Variants in ICA1 observed in about 807,000 individuals in gnomAD.
The protein encoded by ICA1 is islet cell autoantigen 1.
A neutral mutation model predicts 71.0 loss-of-function variants in ICA1; 40 were observed. The observed-to-expected ratio is 0.56, with a 90% confidence interval of 0.44 to 0.73. ICA1 has a LOEUF of 0.73. Among genes scored for constraint, ICA1 ranks in the 30% least tolerant of loss-of-function variants. The pLI is 0.00. For missense variants in ICA1, 578 were observed against 576.5 expected (o/e 1.00, Z -0.03); for synonymous variants, 207 against 209.5 (o/e 0.99, Z 0.10).
At chr7:8,163,568 A>C (rs1804709030) in intron 6 of ICA1, among the ~76,000 whole-genome samples, 1 of 152,194 alleles carries the variant, frequency 6.6e-6, no homozygotes, top group Non-Finnish European at 1.5e-5. Flanking sequence ...GGTACTCAGA[A>C]GGAAAGTCAC....
At chr7:8,141,601 G>A (rs909084175) in intron 10 of ICA1, among the ~76,000 whole-genome samples, 164 bp downstream of exon 10, 3 of 152,130 alleles carry the variant, frequency 2.0e-5, no homozygotes, top group Non-Finnish European at 2.9e-5. Context: ...TTGACATGGT[G>A]GATATCTGAA....
intron 6 of ICA1, among the ~76,000 whole-genome samples, chr7:8,215,686 T>C (rs1055815278): frequency 6.6e-6 from 1 of 152,200 alleles, no homozygotes; most frequent in African/African-American, 2.4e-5. Flanking sequence ...ATCACATCCA[T>C]GAGGTATGAA....
intron 6 of ICA1, among the ~76,000 whole-genome samples, chr7:8,215,278 C>T (rs932214356): frequency 6.6e-6 from 1 of 152,194 alleles, no homozygotes; most frequent in Non-Finnish European, 1.5e-5. Flanking sequence ...GCACGCTGCT[C>T]CTTTCCCCTA....
rs372863348 is a variant in ICA1 at position 8,120,747 on chromosome 7, G to GC, written c.1331-6704dup. ...AAATAAAATTTTATTAGAGCAAACT[G>GC]CCCCCCGTTACTTACATAAAGGAAA... On this transcript the variant is annotated intron_variant, in intron 13 of 13. Coordinates refer to ENST00000402384, the MANE Select transcript of ICA1 (RefSeq NM_001136020.3). Among the ~76,000 whole-genome samples, 792 of 152,278 alleles carry GC rather than the reference G, an allele frequency of 5.2e-3. 10 individuals carry two copies. The highest frequency in any genetic ancestry group is 0.018 in the African/African-American group (744 of 41,546).
At chr7:8,137,405 A>G (rs1793782715) in intron 12 of ICA1, among the ~76,000 whole-genome samples, 1 of 152,344 alleles carries the variant, frequency 6.6e-6, no homozygotes, top group Non-Finnish European at 1.5e-5. Flanking sequence ...ACATTTGTTT[A>G]CTGGTAAGAC....
At chr7:8,183,871 G>A (rs1468480466) in intron 6 of ICA1, among the ~76,000 whole-genome samples, 2 of 152,078 alleles carry the variant, frequency 1.3e-5, no homozygotes, top group South Asian at 2.1e-4. Context: ...TACTCTTAAG[G>A]AAATTTCAAG....
intron 13 of ICA1, 40 bp from the exon 14 acceptor site, chr7:8,114,084 A>G (rs375958136): frequency 6.2e-7 from 1 of 1,613,386 alleles, no homozygotes; most frequent in Non-Finnish European, 8.5e-7. Context: ...CGCACCTTCC[A>G]AATGTCCACC....
intron 6 of ICA1, among the ~76,000 whole-genome samples, chr7:8,205,853 A>G (rs1173100632): frequency 6.6e-6 from 1 of 152,254 alleles, no homozygotes; most frequent in Non-Finnish European, 1.5e-5. Context: ...CGCTGAACAC[A>G]GAGCAAGTCA....
intron 6 of ICA1, among the ~76,000 whole-genome samples, chr7:8,213,098 A>T (rs1358173577): frequency 6.6e-6 from 1 of 152,244 alleles, no homozygotes; most frequent in African/African-American, 2.4e-5. Flanking sequence ...CAGGCACCCC[A>T]GTTAAACAAC....
intron 9 of ICA1, 48 bp downstream of exon 9, chr7:8,143,825 ACT>A (rs1337153389): frequency 2.5e-6 from 3 of 1,209,720 alleles, no homozygotes; most frequent in Admixed American, 1.7e-5. Context: ...GAACCACATA[ACT>A]CTCACCTGTG....
chr7:8,257,899 C>T (rs1810779447), intron 1 of ICA1, among the ~76,000 whole-genome samples: 1 of 152,140 alleles, frequency 6.6e-6, no homozygotes, highest in African/African-American at 2.4e-5. Flanking sequence ...GACACGAGGA[C>T]TATTTGTATT....
intron 6 of ICA1, among the ~76,000 whole-genome samples, chr7:8,187,527 T>A (rs968024780): frequency 4.6e-5 from 7 of 152,234 alleles, no homozygotes; most frequent in African/African-American, 1.7e-4. Flanking sequence ...TTAGACTGCA[T>A]AAGCACTACA....
intron 6 of ICA1, among the ~76,000 whole-genome samples, chr7:8,185,445 C>T (rs1331802980): frequency 2.0e-5 from 3 of 152,208 alleles, no homozygotes; most frequent in Non-Finnish European, 4.4e-5. Context: ...TGCTTACTTA[C>T]GCTCAGTGTA....
chr7:8,203,762 C>T (rs956901388), intron 6 of ICA1, among the ~76,000 whole-genome samples: 1 of 152,192 alleles, frequency 6.6e-6, no homozygotes, highest in African/African-American at 2.4e-5. Flanking sequence ...CTGCTACTTT[C>T]CTCTTATGAC....
intron 6 of ICA1, among the ~76,000 whole-genome samples, chr7:8,179,462 C>T (rs529139633): frequency 3.3e-4 from 50 of 152,334 alleles, no homozygotes; most frequent in Admixed American, 3.9e-4. Context: ...TCAACAGCAT[C>T]GGATGATTAC....
In ICA1 at chr7:8,202,870, G is replaced by A. The variant is rs1008237821; in HGVS notation, c.579+15435C>T. Reference sequence around the variant, plus strand: ...ACCAGCTATAGGCAATAGACACACCGCACGAATGGGGGAAAATGCAGAGGG... The same window carrying A: ...ACCAGCTATAGGCAATAGACACACCACACGAATGGGGGAAAATGCAGAGGG... On this transcript the variant is annotated intron_variant, in intron 6 of 13. Coordinates refer to ENST00000402384, the MANE Select transcript of ICA1 (RefSeq NM_001136020.3). Among the ~76,000 whole-genome samples, 7 of 152,018 alleles carry A rather than the reference G, an allele frequency of 4.6e-5. No homozygotes were observed. The South Asian group carries it at 8.3e-4, about 18-fold the overall frequency.
chr7:8,227,498 G>C (rs749313880), intron 4 of ICA1: 1 of 192,880 alleles, frequency 5.2e-6, no homozygotes, highest in Admixed American at 6.1e-5. Context: ...CCTGGAGGTG[G>C]AGCCCTGGAG....
At chr7:8,189,783 A>AG (rs1288397454) in intron 6 of ICA1, among the ~76,000 whole-genome samples, 2 of 90,404 alleles carry the variant, frequency 2.2e-5, no homozygotes, top group Non-Finnish European at 5.2e-5. Flanking sequence ...GGGGCTGGGC[A>AG]GGGGGGCTGG....
chr7:8,200,675 T>C (rs902662770), intron 6 of ICA1, among the ~76,000 whole-genome samples: 1 of 152,204 alleles, frequency 6.6e-6, no homozygotes, highest in African/African-American at 2.4e-5. Context: ...TTTACTAGAC[T>C]GTAGTTGACT....
Sources: allele counts gnomAD v4.1 joint callset (sites outside exome capture counted in the v4.1 genomes callset), GRCh38; gene constraint gnomAD v4.1.1; transcripts MANE v1.5; gene names NCBI Gene and HGNC (gene_info 2026-07-23, HGNC 2026-07-21).